The following RASAL2 variants were observed in gnomAD, a reference collection of about 807,000 sequenced individuals.
RASAL2 encodes the protein ras GTPase-activating protein nGAP.
In RASAL2, 58 loss-of-function variants were observed where a neutral mutation model predicts 128.9. That is an observed-to-expected ratio of 0.45 (90% CI 0.36 to 0.56). The LOEUF (loss-of-function observed/expected upper bound fraction) is 0.56, where lower values mean the gene tolerates loss of function less well. Among genes scored for constraint, RASAL2 ranks in the 20% least tolerant of loss-of-function variants. RASAL2 has a pLI of 0.00. For missense variants in RASAL2, 1,360 were observed against 1,601.6 expected, an observed-to-expected ratio of 0.85 and a Z score of 2.57; for synonymous variants, 561 against 580.8, an observed-to-expected ratio of 0.97 and a Z score of 0.49.
At chr1:178,263,707 T>G (rs1418481338) in intron 1 of RASAL2, among the ~76,000 whole-genome samples, 1 of 152,140 alleles carries the variant, frequency 6.6e-6, no homozygotes, top group Non-Finnish European at 1.5e-5. Context: ...GTTTGGTAAC[T>G]TCTTCTCTAA....
intron 3 of RASAL2, among the ~76,000 whole-genome samples, chr1:178,340,895 T>A (rs958531169): frequency 2.0e-5 from 3 of 152,014 alleles, no homozygotes; most frequent in African/African-American, 7.3e-5. Context: ...AAATATTTTT[T>A]AAAAATAACT....
intron 1 of RASAL2, among the ~76,000 whole-genome samples, chr1:178,162,077 G>T (rs1348095744): frequency 1.3e-5 from 2 of 150,176 alleles, no homozygotes; most frequent in Non-Finnish European, 3.0e-5. Context: ...CCATTCTCCT[G>T]CCTCAGCCTC....
intron 3 of RASAL2, among the ~76,000 whole-genome samples, chr1:178,317,894 A>G (rs1265414465): frequency 2.0e-5 from 3 of 151,598 alleles, no homozygotes; most frequent in Admixed American, 6.6e-5. Flanking sequence ...TAGGGTGTCA[A>G]TTTTGGATCT....
chr1:178,220,084 C>T (rs541741134), intron 1 of RASAL2, among the ~76,000 whole-genome samples: 1 of 152,126 alleles, frequency 6.6e-6, no homozygotes, highest in Non-Finnish European at 1.5e-5. Flanking sequence ...GCCTGCTCCC[C>T]CTTTGCCTTC....
intron 3 of RASAL2, among the ~76,000 whole-genome samples, chr1:178,345,392 A>G (rs1320589238): frequency 1.3e-5 from 2 of 152,142 alleles, no homozygotes; most frequent in South Asian, 2.1e-4. Context: ...TTCAGGATCA[A>G]GTGTTGCCTA....
At chr1:178,385,427 AAAAAAGAAAG>A (rs371663571) in intron 3 of RASAL2, among the ~76,000 whole-genome samples, 10 of 152,198 alleles carry the variant, frequency 6.6e-5, no homozygotes, top group Admixed American at 2.0e-4. Flanking sequence ...ACTGTCTTAA[AAAAAAGAAAG>A]AAAAAGAAAA....
chr1:178,200,265 A>G (rs1409932826), intron 1 of RASAL2, among the ~76,000 whole-genome samples: 1 of 152,194 alleles, frequency 6.6e-6, no homozygotes, highest in Non-Finnish European at 1.5e-5. Context: ...TAATACGAAT[A>G]GACCCCAAAA....
chr1:178,162,146 T>C (rs1221502903), intron 1 of RASAL2, among the ~76,000 whole-genome samples: 1 of 148,866 alleles, frequency 6.7e-6, no homozygotes, highest in African/African-American at 2.5e-5. Flanking sequence ...TTGTATTTTT[T>C]AGTAGAGACG....
chr1:178,237,893 C>G (rs1292799583), intron 1 of RASAL2, among the ~76,000 whole-genome samples: 1 of 152,152 alleles, frequency 6.6e-6, no homozygotes, highest in African/African-American at 2.4e-5. Flanking sequence ...CTTGCCTCAC[C>G]CTAGGCCCTG....
chr1:178,101,059 G>A (rs1658879166), intron 1 of RASAL2, among the ~76,000 whole-genome samples: 1 of 152,132 alleles, frequency 6.6e-6, no homozygotes, highest in Admixed American at 6.6e-5. Flanking sequence ...CTAGCATGTA[G>A]AAAACCCTTT....
At chr1:178,288,674 A>G (rs1571786765) in intron 2 of RASAL2, among the ~76,000 whole-genome samples, 2 of 110,378 alleles carry the variant, frequency 1.8e-5, no homozygotes, top group East Asian at 4.9e-4. Context: ...TTTTTGAGAC[A>G]GACTTTCACT....
chr1:178,319,972 G>A (rs1477706382), intron 3 of RASAL2, among the ~76,000 whole-genome samples: 1 of 151,916 alleles, frequency 6.6e-6, no homozygotes, highest in African/African-American at 2.4e-5. Flanking sequence ...ATGGGTTTTC[G>A]GTGTGGATGT....
chr1:178,193,627 G>A (rs1447864611), intron 1 of RASAL2, among the ~76,000 whole-genome samples: 1 of 151,470 alleles, frequency 6.6e-6, no homozygotes, highest in South Asian at 2.1e-4. Flanking sequence ...TTAGCAGCTA[G>A]CACAGGTAGT....
intron 1 of RASAL2, among the ~76,000 whole-genome samples, chr1:178,267,581 C>G (rs1442575460): frequency 7.0e-6 from 1 of 143,242 alleles, no homozygotes; most frequent in African/African-American, 2.6e-5. Context: ...TATATTTTTA[C>G]TCAAGGTCGA....
chr1:178,450,527 AT>A (rs1239469936), intron 9 of RASAL2, among the ~76,000 whole-genome samples: 1 of 152,090 alleles, frequency 6.6e-6, no homozygotes, highest in Non-Finnish European at 1.5e-5. Flanking sequence ...AAAAGCTTTC[AT>A]TTATCCAAAT....
chr1:178,123,047 G>A (rs1406320837), intron 1 of RASAL2: 1 of 152,114 alleles, frequency 6.6e-6, no homozygotes, highest in Non-Finnish European at 1.5e-5. Context: ...TACAAAATGA[G>A]TTTTTCAGAT....
chr1:178,463,875 G>A (rs949741579), intron 14 of RASAL2, among the ~76,000 whole-genome samples: 1 of 152,060 alleles, frequency 6.6e-6, no homozygotes, highest in Non-Finnish European at 1.5e-5. Flanking sequence ...ATCAGGTTAT[G>A]CTTTCTTTCT....
At chr1:178,289,645 T>C (rs1296465358) in intron 2 of RASAL2, among the ~76,000 whole-genome samples, 3 of 152,084 alleles carry the variant, frequency 2.0e-5, no homozygotes, top group Admixed American at 6.6e-5. Flanking sequence ...TATATCCATC[T>C]GTGCATTACA....
intron 3 of RASAL2, among the ~76,000 whole-genome samples, chr1:178,314,638 G>T (rs538952038): frequency 1.3e-5 from 2 of 151,626 alleles, no homozygotes; most frequent in South Asian, 2.1e-4. Context: ...TATTTTTTTT[G>T]ACTGAGATTC....
Sources: allele counts gnomAD v4.1 joint callset (sites outside exome capture counted in the v4.1 genomes callset), GRCh38; gene constraint gnomAD v4.1.1; transcripts MANE v1.5; gene names NCBI Gene and HGNC (gene_info 2026-07-23, HGNC 2026-07-21).